SMAD4: variants seen among roughly 807,000 people sequenced by gnomAD.
SMAD4 encodes the protein MAD homolog 4.
In SMAD4, 7 loss-of-function variants were observed where a neutral mutation model predicts 63.2. The observed-to-expected ratio is 0.11, with a 90% CI of 0.06 to 0.21. The LOEUF (loss-of-function observed/expected upper bound fraction) is 0.21, where lower values mean the gene tolerates loss of function less well. SMAD4 is among the 10% of genes least tolerant of loss of function. The pLI is 1.00. For missense variants in SMAD4, 312 were observed against 693.8 expected, an observed-to-expected ratio of 0.45 and a Z score of 6.18; for synonymous variants, 215 against 235.4, an observed-to-expected ratio of 0.91 and a Z score of 0.79.
chr18:51,031,300 A>G (rs1188158912), intron 1 of SMAD4, among the ~76,000 whole-genome samples: 2 of 152,130 alleles, frequency 1.3e-5, no homozygotes, highest in African/African-American at 2.4e-5. Flanking sequence ...ACTTGTCCCA[A>G]ACTGCTGTTA....
chr18:51,043,896 G>A (rs573144908), intron 1 of SMAD4, among the ~76,000 whole-genome samples: 1 of 152,266 alleles, frequency 6.6e-6, no homozygotes, highest in East Asian at 1.9e-4. Context: ...CAATTCCACA[G>A]AATAAAAAGC....
rs919068417 is a variant in SMAD4 at position 51,082,446 on chromosome 18, C to T, written c.*3979C>T. 4.4e-6 allele frequency: 1 copy of T among 229,576 alleles called. No individual in the cohort carries two copies. Among genetic ancestry groups the T allele is most frequent in the African/African-American group, 2.2e-5 (1 of 45,126 alleles). 14.2% of individuals were successfully genotyped at this position (229,576 alleles called of 1,614,324 possible). A position where few individuals can be genotyped will look rare whatever the true frequency, so the allele number is the denominator to read the frequency against. ...TGGCATCCTAGGCCCAGCCTTATCC[C>T]TAGCAGTTGTCCCAGTGCTGCTAGG... is the stretch of plus-strand genomic sequence containing the variant. On this transcript the variant is annotated 3_prime_UTR_variant, in exon 12 of 12. Transcript: ENST00000342988.
chr18:51,065,355 G>A (rs1183523373), intron 8 of SMAD4, 68 bp from the exon 9 acceptor site: 6 of 1,291,366 alleles, frequency 4.6e-6, no homozygotes, highest in Non-Finnish European at 6.8e-6. Flanking sequence ...AAACTGTGTT[G>A]TGGAGTGCAA....
At chr18:51,034,057 G>T (rs1374268247) in intron 1 of SMAD4, among the ~76,000 whole-genome samples, 1 of 152,084 alleles carries the variant, frequency 6.6e-6, no homozygotes, top group African/African-American at 2.4e-5. Context: ...AGTAAAGACC[G>T]TTCAGCCCAA....
intron 1 of SMAD4, chr18:51,044,834 A>G (rs867831042): frequency 3.3e-5 from 5 of 152,196 alleles, no homozygotes; most frequent in South Asian, 2.1e-4. Flanking sequence ...TCTGACTACT[A>G]TGAAAACTGG....
At chr18:51,041,077 T>G (rs1909365472) in intron 1 of SMAD4, among the ~76,000 whole-genome samples, 1 of 152,130 alleles carries the variant, frequency 6.6e-6, no homozygotes, top group Admixed American at 6.5e-5. Flanking sequence ...CCTTGGCCCA[T>G]TGCCCATGCC....
chr18:51,074,686 T>C (rs762207262), intron 10 of SMAD4, among the ~76,000 whole-genome samples: 30 of 152,222 alleles, frequency 2.0e-4, no homozygotes, highest in Non-Finnish European at 2.9e-4. Flanking sequence ...TTTACTTCTT[T>C]AAAAAAGTGG....
intron 5 of SMAD4, among the ~76,000 whole-genome samples, chr18:51,057,147 C>A (rs1568205805): frequency 6.6e-6 from 1 of 151,872 alleles, no homozygotes; most frequent in Non-Finnish European, 1.5e-5. Flanking sequence ...AAAAATATTC[C>A]TTTTCTTTGA....
At chr18:51,032,178 A>G (rs1412963715) in intron 1 of SMAD4, among the ~76,000 whole-genome samples, 1 of 152,234 alleles carries the variant, frequency 6.6e-6, no homozygotes, top group African/African-American at 2.4e-5. Context: ...TTCTTTTGAT[A>G]AAAGTCGTTA....
chr18:51,082,603 A>G lies in SMAD4; in HGVS notation c.*4136A>G, dbSNP rs1244078606. On this transcript the variant is annotated 3_prime_UTR_variant, in exon 12 of 12. Coordinates refer to ENST00000342988, the MANE Select transcript of SMAD4 (RefSeq NM_005359.6). ...TGGAGTTATTTAATATGTATATCAG[A>G]GGATATACTAGATGGTAACATTTCT... 4.3e-6 allele frequency: 1 copy of G among 230,204 alleles called. No individual in the cohort carries two copies. Among genetic ancestry groups the G allele is most frequent in the Admixed American group, 5.7e-5 (1 of 17,658 alleles). 14.3% of individuals were successfully genotyped at this position (230,204 alleles called of 1,614,324 possible). A position where few individuals can be genotyped will look rare whatever the true frequency, so the allele number is the denominator to read the frequency against.
At chr18:51,042,377 C>T (rs1008260654) in intron 1 of SMAD4, among the ~76,000 whole-genome samples, 4 of 145,986 alleles carry the variant, frequency 2.7e-5, no homozygotes, top group African/African-American at 1.0e-4. Flanking sequence ...TCCTTCCTCC[C>T]TCCCTGCCTC....
chr18:51,078,053 T>C (rs1014801039), intron 11 of SMAD4, among the ~76,000 whole-genome samples: 3 of 152,222 alleles, frequency 2.0e-5, no homozygotes, highest in Non-Finnish European at 4.4e-5. Flanking sequence ...AAGACACATG[T>C]GAAATGTAAA....
Position 51,058,451 on chromosome 18 carries a change from A to G in SMAD4, c.899A>G (p.His300Arg), listed in dbSNP as rs1060500731. 1 of 1,602,350 alleles carries G rather than the reference A, an allele frequency of 6.2e-7. No homozygotes were observed. The highest frequency in any genetic ancestry group is 8.5e-7 in the Non-Finnish European group (1 of 1,174,088). The change falls in exon 7 of 12, where the codon CAT becomes CGT. Residue 300 changes from histidine to arginine, a missense_variant. Physicochemically the swap from His to Arg is conservative, Grantham distance 29. Transcript: ENST00000342988. The stretch of plus-strand genomic sequence containing the variant: ...CCGCCTATGCCGCCCCATCCCGGAC[A>G]TTACTGTAAGCTCTTGTTTTTGTTG... ...HHPPMPPHPG[H>R]YWPVHNELAF...
At chr18:51,066,108 T>C (rs1326099357) in intron 9 of SMAD4, among the ~76,000 whole-genome samples, 1 of 152,110 alleles carries the variant, frequency 6.6e-6, no homozygotes, top group Admixed American at 6.5e-5. Context: ...TCCCAGCACT[T>C]TGGGAGGCGG....
chr18:51,072,279 GC>G (rs1910337805), intron 10 of SMAD4, among the ~76,000 whole-genome samples: 1 of 152,026 alleles, frequency 6.6e-6, no homozygotes, highest in African/African-American at 2.4e-5. Flanking sequence ...TTTTATTTTA[GC>G]CATTGTAGTA....
chr18:51,065,688 GT>G, intron 9 of SMAD4, 82 bp downstream of exon 9: 1 of 1,123,748 alleles, frequency 8.9e-7, no homozygotes, highest in Non-Finnish European at 1.3e-6. Context: ...GTTTTCCCAT[GT>G]ACATTATATG....
At chr18:51,077,421 T>A in intron 11 of SMAD4, 1 of 983,126 alleles carries the variant, frequency 1.0e-6, no homozygotes, top group Non-Finnish European at 1.2e-6. Flanking sequence ...TTCAGTGTGG[T>A]AAGCAAATCA....
chr18:51,080,327 C>T lies in SMAD4; in HGVS notation c.*1860C>T, dbSNP rs969758177. ...ACCACCTCATTTGTACTCTTGATTA[C>T]TTACAAATTCTTTCAGTAAACACCT... On this transcript the variant is annotated 3_prime_UTR_variant, in exon 12 of 12. Coordinates refer to ENST00000342988, the MANE Select transcript of SMAD4 (RefSeq NM_005359.6). 2 of 231,948 alleles carry T rather than the reference C, an allele frequency of 8.6e-6. No homozygotes were observed. Among genetic ancestry groups the T allele is most frequent in the South Asian group, 1.8e-4 (1 of 5,514 alleles). The allele number at this position is 231,948 out of a possible 1,614,324, so 14.4% of individuals were successfully genotyped here. A position where few individuals can be genotyped will look rare whatever the true frequency, so the allele number is the denominator to read the frequency against.
intron 10 of SMAD4, among the ~76,000 whole-genome samples, chr18:51,068,576 A>G (rs1009457088): frequency 2.0e-5 from 3 of 152,230 alleles, no homozygotes; most frequent in African/African-American, 7.2e-5. Flanking sequence ...GCAATAAAGT[A>G]TTATATTTAT....
Sources: allele counts gnomAD v4.1 joint callset (sites outside exome capture counted in the v4.1 genomes callset), GRCh38; gene constraint gnomAD v4.1.1; transcripts MANE v1.5; gene names NCBI Gene and HGNC (gene_info 2026-07-23, HGNC 2026-07-21).